The following ANK3 variants were observed in gnomAD, a reference collection of about 807,000 sequenced individuals.
ANK3 encodes the protein ankyrin 3.
ANK3 carries 57 observed loss-of-function variants against 370.9 expected under a neutral mutation model. The ratio of observed to expected loss-of-function variants is 0.15; its 90% CI spans 0.12 to 0.19. ANK3 has a LOEUF of 0.19. ANK3 is among the 10% of genes least tolerant of loss of function. The pLI is 1.00. For synonymous variants in ANK3, 1,929 were observed against 1,946.3 expected (o/e 0.99, Z 0.23); for missense variants, 4,439 against 5,302.1 (o/e 0.84, Z 5.06).
chr10:60,559,905 T>C (rs1336937523), intron 2 of ANK3, among the ~76,000 whole-genome samples: 1 of 152,146 alleles, frequency 6.6e-6, no homozygotes, highest in East Asian at 1.9e-4. Flanking sequence ...TAGCCAGGTA[T>C]GGTAGTGGGT....
chr10:60,030,346 G>A (rs868282834), intron 43 of ANK3, among the ~76,000 whole-genome samples: 2 of 152,054 alleles, frequency 1.3e-5, no homozygotes. Context: ...GTTTCACTAT[G>A]TTAGTCAGGA....
chr10:60,452,049 A>G (rs1288777013), intron 2 of ANK3, among the ~76,000 whole-genome samples: 3 of 152,226 alleles, frequency 2.0e-5, no homozygotes, highest in African/African-American at 4.8e-5. Flanking sequence ...TCTGGGGGGA[A>G]TAAAATGGAA....
rs758415345 is a variant in ANK3, at chr10:60,076,442, C to T, written c.4439G>A (p.Arg1480Gln). ...GAGGGATCTTGTTGCTCCTGTACTC[C>T]GTTCAACTGTTTCTTAAATTTTAAA... Reference protein sequence around the residue: ...SYLTEPGMIERSTGATRSLPT... With the variant: ...SYLTEPGMIEQSTGATRSLPT... Residue 1480 changes from arginine (R) to glutamine (Q), a missense_variant, in exon 37 of 44, where the codon CGG becomes CAG. By Grantham distance (43) the Arg-to-Gln change is conservative. Around this residue, in one of 13 missense-constraint regions of ANK3, gnomAD observed 679 missense variants for 791.0 expected, o/e 0.86. Coordinates refer to ENST00000280772, the MANE Select transcript of ANK3 (RefSeq NM_020987.5). 4.5e-6 allele frequency: 7 copies of T among 1,560,088 alleles called. No individual in the cohort carries two copies. The highest frequency in any genetic ancestry group is 6.1e-6 in the Non-Finnish European group (7 of 1,154,056).
At chr10:60,457,414 C>A (rs975340280) in intron 2 of ANK3, among the ~76,000 whole-genome samples, 1 of 152,130 alleles carries the variant, frequency 6.6e-6, no homozygotes, top group Non-Finnish European at 1.5e-5. Context: ...TCTGCCAGTT[C>A]TGGCAGAAGA....
At chr10:60,514,080 C>T (rs144344331) in intron 2 of ANK3, among the ~76,000 whole-genome samples, 1,524 of 152,244 alleles carry the variant, frequency 0.01, 11 homozygotes, top group Middle Eastern at 0.027. Context: ...ATGTTTCCCT[C>T]CTTATAATTT....
Position 60,069,796 on chromosome 10 carries a change from G to A in ANK3, c.11085C>T (p.Gly3695=), listed in dbSNP as rs768759416. The A allele has an allele frequency of 6.2e-6, 10 of 1,614,000 alleles. No homozygotes were observed. The highest frequency in any genetic ancestry group is 1.3e-5 in the African/African-American group (1 of 74,910). Residue 3695 remains glycine, a synonymous_variant, in exon 37 of 44, where the codon GGC becomes GGT. Transcript: ENST00000280772. Reference sequence around the variant, plus strand: ...TCTCCAGGGAGCCACTACTGGATGTGCCTTCCTGACACTCTCCGCTGGTCG... The same window carrying A: ...TCTCCAGGGAGCCACTACTGGATGTACCTTCCTGACACTCTCCGCTGGTCG... ...SIPTSGECQE[G]TSSSGSLEKS...
At chr10:60,299,297 C>T (rs1398880520) in intron 1 of ANK3, among the ~76,000 whole-genome samples, 1 of 152,094 alleles carries the variant, frequency 6.6e-6, no homozygotes, top group Non-Finnish European at 1.5e-5. Context: ...AAAACTGAAT[C>T]CATTTAAAAT....
At chr10:60,640,620 G>A (rs1229594929) in intron 1 of ANK3, among the ~76,000 whole-genome samples, 1 of 78,440 alleles carries the variant, frequency 1.3e-5, no homozygotes, top group African/African-American at 4.1e-5. Flanking sequence ...AATAAATTAG[G>A]TATTGATGGG....
At chr10:60,383,080 G>C (rs1025281797) in intron 1 of ANK3, among the ~76,000 whole-genome samples, 2 of 151,956 alleles carry the variant, frequency 1.3e-5, no homozygotes, top group Non-Finnish European at 2.9e-5. Flanking sequence ...TAGAGGTTTT[G>C]ATGGCCCAAG....
At chr10:60,415,923 A>G (rs12256333) in intron 2 of ANK3, among the ~76,000 whole-genome samples, 5 of 62,714 alleles carry the variant, frequency 8.0e-5, no homozygotes, top group Admixed American at 1.7e-4. Context: ...TGTGCCCCCC[A>G]CCCCCCCGCC....
chr10:60,548,281 G>A (rs528610381), intron 2 of ANK3, among the ~76,000 whole-genome samples: 42 of 130,494 alleles, frequency 3.2e-4, no homozygotes, highest in Admixed American at 5.6e-4. Context: ...ACATGATCTC[G>A]GCTCACTGCA....
chr10:60,102,371 T>C (rs556101678), intron 28 of ANK3, among the ~76,000 whole-genome samples: 1 of 152,086 alleles, frequency 6.6e-6, no homozygotes, highest in Non-Finnish European at 1.5e-5. Context: ...AGCTAGGAGC[T>C]TTACATATAT....
chr10:60,136,258 C>G (rs1456617015), intron 24 of ANK3, among the ~76,000 whole-genome samples: 2 of 152,088 alleles, frequency 1.3e-5, no homozygotes, highest in East Asian at 3.9e-4. Flanking sequence ...CTGAGCTATC[C>G]AACAACAGCG....
At chr10:60,166,923 G>A (rs767389744) in intron 21 of ANK3, 27 bp from the exon 22 acceptor site, 2 of 1,593,356 alleles carry the variant, frequency 1.3e-6, no homozygotes, top group Non-Finnish European at 1.7e-6. Flanking sequence ...AGTCATTTTA[G>A]TGTGAGCAGA....
intron 1 of ANK3, among the ~76,000 whole-genome samples, chr10:60,686,699 C>G (rs1259824109): frequency 6.6e-6 from 1 of 152,046 alleles, no homozygotes; most frequent in Non-Finnish European, 1.5e-5. Flanking sequence ...TGAAATCAAT[C>G]ATTATCCTTT....
intron 2 of ANK3, among the ~76,000 whole-genome samples, chr10:60,440,150 A>G (rs1408107533): frequency 6.6e-6 from 1 of 152,142 alleles, no homozygotes; most frequent in Non-Finnish European, 1.5e-5. Context: ...GATAAAGAGA[A>G]TAACAGCTTA....
intron 1 of ANK3, among the ~76,000 whole-genome samples, chr10:60,388,388 T>C (rs191584928): frequency 1.3e-5 from 2 of 152,320 alleles, no homozygotes; most frequent in Admixed American, 1.3e-4. Context: ...ATGTGGGAGA[T>C]GCAATCTGCA....
chr10:60,264,918 C>T (rs1456976939), intron 5 of ANK3, among the ~76,000 whole-genome samples: 2 of 152,056 alleles, frequency 1.3e-5, no homozygotes, highest in East Asian at 1.9e-4. Context: ...GAGAAGACAA[C>T]ACAAAGATCA....
intron 2 of ANK3, among the ~76,000 whole-genome samples, chr10:60,474,071 T>C (rs1279286217): frequency 6.6e-6 from 1 of 151,436 alleles, no homozygotes; most frequent in Non-Finnish European, 1.5e-5. Flanking sequence ...AGTTCGAGGC[T>C]GCAGTGAGCT....
Sources: gnomAD v4.1 joint callset for allele counts (sites outside exome capture counted in the v4.1 genomes callset) on GRCh38, gnomAD v4.1.1 for gene constraint, gnomAD v4.1.1 regional missense constraint, MANE v1.5 for transcripts, NCBI Gene and HGNC (gene_info 2026-07-23, HGNC 2026-07-21) for gene names.